Variants in PLB1 observed in about 807,000 individuals in gnomAD.
The protein encoded by PLB1 is phospholipase B1.
PLB1 carries 242 observed loss-of-function variants against 227.4 expected under a neutral mutation model. That is an observed-to-expected ratio of 1.06 (90% CI 0.96 to 1.18). The LOEUF is 1.18. Ranked by LOEUF, PLB1 falls within the 50% of genes most tolerant of loss-of-function variation. The probability of loss-of-function intolerance (pLI) is 0.00; values close to 1 mark genes in which losing one functional copy is unlikely to be tolerated. For synonymous variants in PLB1, 757 were observed against 682.2 expected (o/e 1.11, Z -1.71); for missense variants, 1,858 against 1,816.3 (o/e 1.02, Z -0.42).
intron 43 of PLB1, among the ~76,000 whole-genome samples, chr2:28,611,424 A>T (rs939333984): frequency 1.3e-5 from 2 of 152,092 alleles, no homozygotes; most frequent in African/African-American, 4.8e-5. Flanking sequence ...GGCTCCTTTG[A>T]CGTGCAGGGA....
intron 1 of PLB1, among the ~76,000 whole-genome samples, chr2:28,507,107 T>A (rs1572643064): frequency 6.6e-6 from 1 of 152,154 alleles, no homozygotes; most frequent in Non-Finnish European, 1.5e-5. Context: ...AAGCTAGAGC[T>A]GCTGCTGATT....
At chr2:28,529,208 G>C in intron 6 of PLB1, 109 bp from the exon 7 acceptor site, 1 of 721,456 alleles carries the variant, frequency 1.4e-6, no homozygotes, top group Non-Finnish European at 2.4e-6. Context: ...GCCTCCCAAG[G>C]TACTGAGATT....
rs746403472 is a variant in PLB1 at position 28,579,722 on chromosome 2, A to C, written c.1566+15A>C. The C allele has an allele frequency of 1.9e-6, 3 of 1,604,008 alleles. No individual in the cohort carries two copies. Among genetic ancestry groups the C allele is most frequent in the Non-Finnish European group, 2.6e-6 (3 of 1,171,082 alleles). On this transcript the variant is annotated intron_variant, in intron 23 of 57. Transcript: ENST00000327757. ...GCAATGATCTGGTAGGTCTCCAGGC[A>C]CTTTACTCAAGACTCACCCCCAGAG...
intron 4 of PLB1, among the ~76,000 whole-genome samples, chr2:28,520,207 C>T (rs142037017): frequency 0.085 from 12,754 of 149,866 alleles, 670 homozygotes; most frequent in East Asian, 0.22. Context: ...GGATTACAGG[C>T]GTGAGCCACT....
At chr2:28,520,945 G>T (rs778378866) in intron 4 of PLB1, among the ~76,000 whole-genome samples, 5 of 151,988 alleles carry the variant, frequency 3.3e-5, no homozygotes. Flanking sequence ...ATTGCACTCC[G>T]GCCTGGGAAA....
intron 14 of PLB1, among the ~76,000 whole-genome samples, chr2:28,548,034 C>G (rs934556408): frequency 2.0e-5 from 3 of 152,060 alleles, no homozygotes; most frequent in African/African-American, 7.2e-5. Context: ...GCCTATTTCA[C>G]AGCGGATACC....
chr2:28,496,419 G>A (rs528481181), intron 1 of PLB1, among the ~76,000 whole-genome samples: 2 of 152,242 alleles, frequency 1.3e-5, no homozygotes, highest in Admixed American at 1.3e-4. Flanking sequence ...AGTGCAGTCC[G>A]GTAGCAGTAC....
chr2:28,600,834 C>A lies in PLB1; in HGVS notation c.2500C>A (p.Leu834Met), dbSNP rs374888875. Residue 834 changes from leucine to methionine, a missense_variant, in exon 36 of 58, where the codon CTG becomes ATG. Coordinates refer to ENST00000327757, the MANE Select transcript of PLB1 (RefSeq NM_153021.5). ...AEDLMSQVQT[L>M]MQKMKDDHRV... is the part of the protein sequence containing the mutation. ...GGATCTTATGAGCCAAGTCCAAACT[C>A]TGATGCAGAAGATGAAAGATGATCA... The A allele has an allele frequency of 1.9e-6, 3 of 1,613,116 alleles. No individual in the cohort carries two copies. Among genetic ancestry groups the A allele is most frequent in the Non-Finnish European group, 1.7e-6 (2 of 1,179,072 alleles).
At chr2:28,590,456 A>AC (rs554634909) in intron 29 of PLB1, among the ~76,000 whole-genome samples, 191 of 152,314 alleles carry the variant, frequency 1.3e-3, no homozygotes, top group African/African-American at 4.4e-3. Flanking sequence ...TGCCTCCATG[A>AC]CAATATGGGT....
At chr2:28,517,706 TTGAGTCTTAATTACTTCTTTTCC>T (rs1333491568) in intron 2 of PLB1, among the ~76,000 whole-genome samples, 1 of 152,326 alleles carries the variant, frequency 6.6e-6, no homozygotes, top group Non-Finnish European at 1.5e-5. Context: ...TCAAGGTATC[TTGAGTCTTAATTACTTCTTTTCC>T]TGAGTCTTAA....
chr2:28,555,269 G>A (rs1674891133), intron 17 of PLB1, among the ~76,000 whole-genome samples: 1 of 151,090 alleles, frequency 6.6e-6, no homozygotes, highest in Non-Finnish European at 1.5e-5. Flanking sequence ...AGCCTCCCAA[G>A]TAGCTGGGAT....
intron 46 of PLB1, 76 bp from the exon 47 acceptor site, chr2:28,620,189 C>T: frequency 2.0e-6 from 2 of 1,017,242 alleles, no homozygotes; most frequent in Non-Finnish European, 1.4e-6. Context: ...CTAGCTGCTA[C>T]CCCAGGGCCA....
intron 36 of PLB1, 151 bp from the exon 37 acceptor site, chr2:28,601,101 A>G (rs958571220): frequency 2.6e-6 from 2 of 756,422 alleles, no homozygotes; most frequent in African/African-American, 3.5e-5. Flanking sequence ...TGGTCTATAA[A>G]TAAACCTCTA....
At chr2:28,636,033 G>GTGTGTGTGTATGAA (rs1553467804) in intron 56 of PLB1, among the ~76,000 whole-genome samples, 1 of 149,692 alleles carries the variant, frequency 6.7e-6, no homozygotes, top group African/African-American at 2.5e-5. Flanking sequence ...GTGTGTATGT[G>GTGTGTGTGTATGAA]TGTGTGTGTA....
At chr2:28,527,168 C>A (rs12052472) in intron 6 of PLB1, among the ~76,000 whole-genome samples, 2 of 152,114 alleles carry the variant, frequency 1.3e-5, no homozygotes, top group Admixed American at 1.3e-4. Flanking sequence ...GCCTCTTTGC[C>A]TAATTTCTCA....
At chr2:28,636,316 G>A (rs866361141) in intron 56 of PLB1, among the ~76,000 whole-genome samples, 3 of 152,080 alleles carry the variant, frequency 2.0e-5, no homozygotes, top group East Asian at 1.9e-4. Context: ...CACCCACCTC[G>A]GCCTCCCAAA....
At chr2:28,581,986 G>A in intron 23 of PLB1, 82 bp from the exon 24 acceptor site, 2 of 1,349,674 alleles carry the variant, frequency 1.5e-6, no homozygotes, top group Middle Eastern at 1.8e-4. Context: ...AAAAAGAAGG[G>A]GACCCAAGAG....
chr2:28,603,039 T>A, intron 39 of PLB1, 118 bp downstream of exon 39: 1 of 848,768 alleles, frequency 1.2e-6, no homozygotes, highest in Non-Finnish European at 1.9e-6. Context: ...TCCAAGTCTG[T>A]AAAGGAGGAC....
intron 4 of PLB1, among the ~76,000 whole-genome samples, chr2:28,520,668 A>G (rs1669410484): frequency 1.3e-5 from 2 of 152,108 alleles, no homozygotes; most frequent in African/African-American, 2.4e-5. Flanking sequence ...TGGCAGTTCT[A>G]GGTACCTCAT....
Sources: gnomAD v4.1 joint callset for allele counts (sites outside exome capture counted in the v4.1 genomes callset) on GRCh38, gnomAD v4.1.1 for gene constraint, MANE v1.5 for transcripts, NCBI Gene and HGNC (gene_info 2026-07-23, HGNC 2026-07-21) for gene names.